OLFM2: variants seen among roughly 807,000 people sequenced by gnomAD.
OLFM2 encodes olfactomedin 2, also known as noelin-2.
In OLFM2, 20 loss-of-function variants were observed where a neutral mutation model predicts 43.9. The observed-to-expected ratio is 0.46, with a 90% CI of 0.32 to 0.66. The LOEUF (loss-of-function observed/expected upper bound fraction) is 0.66, where lower values mean the gene tolerates loss of function less well. Among genes scored for constraint, OLFM2 ranks in the 30% least tolerant of loss-of-function variants. OLFM2 has a pLI of 0.04. For synonymous variants in OLFM2, 268 were observed against 278.6 expected (o/e 0.96, Z 0.38); for missense variants, 416 against 643.6 (o/e 0.65, Z 3.83).
At chr19:9,905,308 T>C (rs2046776104) in intron 1 of OLFM2, among the ~76,000 whole-genome samples, 1 of 151,916 alleles carries the variant, frequency 6.6e-6, no homozygotes, top group East Asian at 1.9e-4. Context: ...ATACAAAAAA[T>C]TAGCCGGGCG....
Position 9,923,688 on chromosome 19 carries a change from G to A in OLFM2, c.63+12616C>T, listed in dbSNP as rs184473348. 6.5e-4 allele frequency among the ~76,000 whole-genome samples: 99 copies of A among 151,856 alleles called. 1 individual carries two copies. The East Asian group carries it at 7.7e-3, about 12-fold the overall frequency. On this transcript the variant is annotated intron_variant, in intron 1 of 5. Transcript: ENST00000264833. Reference sequence around the variant, plus strand: ...GAAAGAAAAAAGAAAAGAAAAGAAAGAAAAAAGAAAAGAAAAGAGTGCAGT... The same window carrying A: ...GAAAGAAAAAAGAAAAGAAAAGAAAAAAAAAAGAAAAGAAAAGAGTGCAGT...
chr19:9,858,321 A>G (rs1372923505), intron 2 of OLFM2, among the ~76,000 whole-genome samples: 8 of 134,060 alleles, frequency 6.0e-5, no homozygotes, highest in Admixed American at 4.8e-4. Flanking sequence ...TGGTCTCTCT[A>G]CCTGGAGTGC....
intron 1 of OLFM2, among the ~76,000 whole-genome samples, chr19:9,920,947 GTA>G (rs912921956): frequency 4.6e-5 from 7 of 151,850 alleles, no homozygotes; most frequent in Non-Finnish European, 1.0e-4. Flanking sequence ...TTTCTGGGTG[GTA>G]AAAAACTCGT....
chr19:9,933,855 C>A (rs1019178842), intron 1 of OLFM2, among the ~76,000 whole-genome samples: 1 of 152,226 alleles, frequency 6.6e-6, no homozygotes, highest in Non-Finnish European at 1.5e-5. Context: ...CAGCACCCGG[C>A]TCCAGTCTAA....
intron 1 of OLFM2, among the ~76,000 whole-genome samples, chr19:9,917,033 G>A (rs950517400): frequency 2.0e-5 from 3 of 151,962 alleles, no homozygotes; most frequent in Non-Finnish European, 2.9e-5. Flanking sequence ...GTTCCCTGCC[G>A]CTCTCATTCT....
intron 1 of OLFM2, among the ~76,000 whole-genome samples, chr19:9,890,647 G>A (rs1023133578): frequency 2.0e-5 from 3 of 152,142 alleles, no homozygotes; most frequent in Non-Finnish European, 4.4e-5. Flanking sequence ...TGACTTCCAG[G>A]TGAATACTTT....
At position 9,862,399 on chromosome 19, in the gene OLFM2, T is replaced by C. The variant is rs188730145; in HGVS notation, c.64-1605A>G. 2.7e-3 allele frequency among the ~76,000 whole-genome samples: 406 copies of C among 151,932 alleles called. 3 individuals are homozygous for C. The highest frequency in any genetic ancestry group is 0.011 in the South Asian group (53 of 4,802). The stretch of plus-strand genomic sequence containing the variant: ...ATCAATGTCTGGAGGGACCCAGGAA[T>C]GGTGGCTCACGCCTGTAATCCCAGA... On this transcript the variant is annotated intron_variant, in intron 1 of 5. Coordinates refer to ENST00000264833, the MANE Select transcript of OLFM2 (RefSeq NM_058164.4).
At position 9,854,035 on chromosome 19, in the gene OLFM2, T is replaced by A; in HGVS notation, c.*151A>T. 1 of 651,438 alleles carries A rather than the reference T, an allele frequency of 1.5e-6. No individual in the cohort carries two copies. Among genetic ancestry groups the A allele is most frequent in the Non-Finnish European group, 2.6e-6 (1 of 379,260 alleles). The allele number at this position is 651,438 out of a possible 1,614,324, so 40.4% of individuals were successfully genotyped here. On this transcript the variant is annotated 3_prime_UTR_variant, in exon 6 of 6. Coordinates refer to ENST00000264833, the MANE Select transcript of OLFM2 (RefSeq NM_058164.4). The surrounding 1 kb of genome is among the most constrained non-coding windows in gnomAD (Gnocchi z 9.5). ...GGGAAATTGAAAAAATAGACAGAAA[T>A]ACATAGGCAGAGAACAAAAGCCCAG...
chr19:9,882,909 A>ATT (rs1568374842), intron 1 of OLFM2, among the ~76,000 whole-genome samples: 7 of 149,736 alleles, frequency 4.7e-5, no homozygotes, highest in Non-Finnish European at 8.9e-5. Context: ...AAAAAAAATA[A>ATT]AAAAAAAAGC....
chr19:9,915,496 T>TTTTATTTTTTTA (rs2046868391), intron 1 of OLFM2, among the ~76,000 whole-genome samples: 3 of 94,204 alleles, frequency 3.2e-5, no homozygotes, highest in South Asian at 3.1e-4. Flanking sequence ...AAAGGGACTT[T>TTTTATTTTTTTA]TTTATTTATT....
intron 1 of OLFM2, among the ~76,000 whole-genome samples, chr19:9,897,525 A>G (rs1241938797): frequency 6.6e-6 from 1 of 151,978 alleles, no homozygotes; most frequent in Non-Finnish European, 1.5e-5. Flanking sequence ...AAAACAAAAT[A>G]CTTGTTGAAT....
At chr19:9,893,730 G>T (rs2046657553) in intron 1 of OLFM2, among the ~76,000 whole-genome samples, 1 of 152,122 alleles carries the variant, frequency 6.6e-6, no homozygotes, top group African/African-American at 2.4e-5. Context: ...TGTGTCTCAG[G>T]ATTAATGAGG....
At chr19:9,873,140 C>T (rs1391444004) in intron 1 of OLFM2, among the ~76,000 whole-genome samples, 2 of 152,118 alleles carry the variant, frequency 1.3e-5, no homozygotes, top group Non-Finnish European at 2.9e-5. Context: ...AGCCACTATG[C>T]TGGGAGGACA....
intron 1 of OLFM2, among the ~76,000 whole-genome samples, chr19:9,936,006 C>T (rs1316536018): frequency 6.6e-6 from 1 of 151,914 alleles, no homozygotes; most frequent in Non-Finnish European, 1.5e-5. Context: ...CCCTCCCAAC[C>T]CCATTCAGCT....
At chr19:9,936,212 G>T in intron 1 of OLFM2, 92 bp downstream of exon 1, 1 of 1,383,358 alleles carries the variant, frequency 7.2e-7, no homozygotes, top group Non-Finnish European at 9.8e-7. Flanking sequence ...GGGGGCTTGT[G>T]GAGCCTCCCA....
intron 1 of OLFM2, among the ~76,000 whole-genome samples, chr19:9,934,507 C>A (rs758727002): frequency 6.6e-6 from 1 of 151,830 alleles, no homozygotes; most frequent in African/African-American, 2.4e-5. Flanking sequence ...CTAGTGCCCC[C>A]CTAGCAGGGA....
In OLFM2 at chr19:9,860,666, C is replaced by G; in HGVS notation, c.192G>C (p.Glu64Asp). 2.5e-6 allele frequency: 4 copies of G among 1,592,270 alleles called. No individual in the cohort carries two copies. Among genetic ancestry groups the G allele is most frequent in the Non-Finnish European group, 3.4e-6 (4 of 1,168,860 alleles). ...TCACCTTCTCCATCAGTTGCCGCAG[C>G]TCCCGACTCCTGCCATCTCGAGAGC... ...STCSRDGRSR[E>D]LRQLMEKVQN... Residue 64 changes from glutamate to aspartate, a missense_variant, in exon 2 of 6, where the codon GAG (glutamate) becomes GAC (aspartate). Glu to Asp is a conservative substitution (Grantham distance 45, BLOSUM62 2). Coordinates refer to ENST00000264833, the MANE Select transcript of OLFM2 (RefSeq NM_058164.4).
At chr19:9,868,102 G>A (rs2046416674) in intron 1 of OLFM2, among the ~76,000 whole-genome samples, 1 of 150,670 alleles carries the variant, frequency 6.6e-6, no homozygotes, top group Admixed American at 6.6e-5. Context: ...TCCCTCTGTT[G>A]CCCAGGCTGG....
intron 1 of OLFM2, among the ~76,000 whole-genome samples, chr19:9,909,685 C>G (rs543321637): frequency 6.6e-6 from 1 of 152,302 alleles, no homozygotes; most frequent in Non-Finnish European, 1.5e-5. Context: ...CTCAGCCTCC[C>G]CGACGTTGGG....
Sources: gnomAD v4.1 joint callset for allele counts (sites outside exome capture counted in the v4.1 genomes callset) on GRCh38, gnomAD v4.1.1 for gene constraint, Gnocchi (gnomAD v3.1) non-coding constraint, MANE v1.5 for transcripts, NCBI Gene and HGNC (gene_info 2026-07-23, HGNC 2026-07-21) for gene names.